ADAD1: variants seen among roughly 807,000 people sequenced by gnomAD.
ADAD1 encodes adenosine deaminase domain-containing protein 1.
Under a neutral mutation model 66.8 loss-of-function variants are expected in ADAD1, and 46 were observed. The observed-to-expected ratio is 0.69, with a 90% confidence interval of 0.54 to 0.88. ADAD1 has a LOEUF of 0.88. ADAD1 is among the 40% of genes least tolerant of loss of function. The pLI, the probability that ADAD1 is intolerant of heterozygous loss-of-function variation, is 0.00. For missense variants in ADAD1, 617 were observed against 681.8 expected (o/e 0.91, Z 1.06); for synonymous variants, 248 against 229.4 (o/e 1.08, Z -0.73).
chr4:122,409,583 A>G (rs1202496972), intron 8 of ADAD1, among the ~76,000 whole-genome samples: 2 of 152,132 alleles, frequency 1.3e-5, no homozygotes, highest in African/African-American at 2.4e-5. Flanking sequence ...ATTATTGACT[A>G]TTGTCATCCT....
intron 8 of ADAD1, among the ~76,000 whole-genome samples, chr4:122,408,926 A>ATT: frequency 6.6e-6 from 1 of 152,286 alleles, no homozygotes; most frequent in African/African-American, 2.4e-5. Context: ...AAAGATAAAA[A>ATT]TAACACTTTT....
intron 5 of ADAD1, among the ~76,000 whole-genome samples, chr4:122,392,365 C>T (rs960037294): frequency 6.6e-6 from 1 of 152,116 alleles, no homozygotes; most frequent in African/African-American, 2.4e-5. Context: ...GACTACTATG[C>T]AGCCATTAAA....
chr4:122,382,594 T>C (rs1166556065), intron 4 of ADAD1, among the ~76,000 whole-genome samples: 1 of 152,098 alleles, frequency 6.6e-6, no homozygotes, highest in Non-Finnish European at 1.5e-5. Flanking sequence ...ATTTTCAAAA[T>C]GTCCTGTAGA....
chr4:122,404,068 C>T (rs1320671861), intron 7 of ADAD1, among the ~76,000 whole-genome samples: 1 of 152,154 alleles, frequency 6.6e-6, no homozygotes. Flanking sequence ...CAGCAGGCAG[C>T]GCTGAGATCT....
At chr4:122,405,923 G>T (rs556226475) in intron 7 of ADAD1, among the ~76,000 whole-genome samples, 2 of 151,976 alleles carry the variant, frequency 1.3e-5, no homozygotes, top group Non-Finnish European at 2.9e-5. Flanking sequence ...CTTCTTTTTG[G>T]GGGGGCTGAA....
chr4:122,401,651 ATT>A (rs1795984023), intron 7 of ADAD1, among the ~76,000 whole-genome samples: 2 of 151,992 alleles, frequency 1.3e-5, no homozygotes, highest in African/African-American at 4.8e-5. Flanking sequence ...GGTAGTAGTA[ATT>A]ATTTTATAAA....
At chr4:122,417,337 T>TAAA (rs78147212) in intron 11 of ADAD1, among the ~76,000 whole-genome samples, 2 of 94,050 alleles carry the variant, frequency 2.1e-5, no homozygotes, top group African/African-American at 7.5e-5. Flanking sequence ...CCTCCATCTT[T>TAAA]AAAAAAAAAA....
At chr4:122,383,652 A>G (rs985506611) in intron 4 of ADAD1, 147 bp from the exon 5 acceptor site, 3 of 845,552 alleles carry the variant, frequency 3.5e-6, no homozygotes, top group East Asian at 2.7e-5. Flanking sequence ...TTTAACTCCT[A>G]TTGGTCCTAC....
chr4:122,399,939 A>G (rs1446415384), intron 7 of ADAD1, among the ~76,000 whole-genome samples: 10 of 152,036 alleles, frequency 6.6e-5, no homozygotes, highest in Non-Finnish European at 1.3e-4. Flanking sequence ...CGATCATACC[A>G]TCAGTGAACA....
In ADAD1 at chr4:122,424,916, G is replaced by T. The variant is rs548786102; in HGVS notation, c.1617+3526G>T. 1.6e-3 allele frequency among the ~76,000 whole-genome samples: 245 copies of T among 152,080 alleles called. 1 individual carries two copies. The highest frequency in any genetic ancestry group is 5.6e-3 in the African/African-American group (234 of 41,510). ...TCATGTAAATGATAACAAGACAGCTGGAATGTTTATATTAATATTAAATAT... is the reference window on the plus strand; with the variant it reads ...TCATGTAAATGATAACAAGACAGCTTGAATGTTTATATTAATATTAAATAT... On this transcript the variant is annotated intron_variant, in intron 12 of 12. Coordinates refer to ENST00000296513, the MANE Select transcript of ADAD1 (RefSeq NM_139243.4).
intron 12 of ADAD1, among the ~76,000 whole-genome samples, chr4:122,427,067 C>G (rs1472218997): frequency 6.6e-6 from 1 of 152,140 alleles, no homozygotes; most frequent in Admixed American, 6.5e-5. Flanking sequence ...ATTGTATCAT[C>G]TTGTAGGTAA....
At chr4:122,399,205 A>G (rs912026401) in intron 7 of ADAD1, among the ~76,000 whole-genome samples, 1 of 152,188 alleles carries the variant, frequency 6.6e-6, no homozygotes, top group African/African-American at 2.4e-5. Context: ...CAATTATCCC[A>G]GCATCATTTG....
Position 122,421,245 on chromosome 4 carries a change from A to C in ADAD1, c.1488-16A>C, listed in dbSNP as rs1222300069. Reference sequence around the variant, plus strand: ...CTGAAAAAGAAATTTAAAAAATTTTATTTCTCTCTGCTTAGTTCCCCATTT... The same window carrying C: ...CTGAAAAAGAAATTTAAAAAATTTTCTTTCTCTCTGCTTAGTTCCCCATTT... On this transcript the variant is annotated splice_polypyrimidine_tract_variant and intron_variant, in intron 11 of 12. Transcript: ENST00000296513. 3 of 1,519,772 alleles carry C rather than the reference A, an allele frequency of 2.0e-6. No individual in the cohort carries two copies. The Admixed American group carries it at 6.0e-5, about 30-fold the overall frequency. The allele number at this position is 1,519,772 out of a possible 1,614,324, so 94.1% of individuals were successfully genotyped here.
intron 12 of ADAD1, among the ~76,000 whole-genome samples, chr4:122,421,601 G>T (rs186149301): frequency 1.1e-4 from 16 of 151,992 alleles, no homozygotes. Context: ...TTTTAGTATG[G>T]TATATACTTA....
At chr4:122,409,443 A>G (rs1016479093) in intron 8 of ADAD1, among the ~76,000 whole-genome samples, 1 of 152,222 alleles carries the variant, frequency 6.6e-6, no homozygotes, top group Admixed American at 6.5e-5. Context: ...TTCATAAGCT[A>G]TTTTGACACA....
At position 122,418,306 on chromosome 4, in the gene ADAD1, CTT is replaced by C. The variant is rs10527795; in HGVS notation, c.1487+2710_1487+2711del. Among the ~76,000 whole-genome samples, 403 of 94,634 alleles carry C rather than the reference CTT, an allele frequency of 4.3e-3. 4 individuals carry two copies. Among genetic ancestry groups the C allele is most frequent in the Admixed American group, 0.031 (225 of 7,288 alleles). The allele number at this position is 94,634 out of a possible 152,430, so 62.1% of individuals were successfully genotyped here. A position where few individuals can be genotyped will look rare whatever the true frequency, so the allele number is the denominator to read the frequency against. ...GGAGGAAAAATATAAACGTTATTTT[CTT>C]TTTTTTTTTTTTTTTTTTTGAGACG... On this transcript the variant is annotated intron_variant, in intron 11 of 12. Coordinates refer to ENST00000296513, the MANE Select transcript of ADAD1 (RefSeq NM_139243.4).
At chr4:122,389,402 C>T (rs1405674529) in intron 5 of ADAD1, among the ~76,000 whole-genome samples, 1 of 152,128 alleles carries the variant, frequency 6.6e-6, no homozygotes, top group Non-Finnish European at 1.5e-5. Context: ...GAGTTCAAAT[C>T]CTGAATATGC....
intron 12 of ADAD1, among the ~76,000 whole-genome samples, chr4:122,424,369 T>C (rs1022344183): frequency 1.3e-5 from 2 of 152,148 alleles, no homozygotes; most frequent in Non-Finnish European, 2.9e-5. Context: ...TTATTTTCTT[T>C]CTAAAAAGTT....
chr4:122,413,697 A>T (rs1034543861), intron 10 of ADAD1, among the ~76,000 whole-genome samples: 33 of 151,964 alleles, frequency 2.2e-4, no homozygotes, highest in African/African-American at 7.7e-4. Context: ...AGCAGCTGAT[A>T]ACCTTAGGGA....
Sources: allele counts gnomAD v4.1 joint callset (sites outside exome capture counted in the v4.1 genomes callset), GRCh38; gene constraint gnomAD v4.1.1; transcripts MANE v1.5; gene names NCBI Gene and HGNC (gene_info 2026-07-23, HGNC 2026-07-21).